ACTN1: variants seen among roughly 807,000 people sequenced by gnomAD.
The protein encoded by ACTN1 is alpha-actinin-1.
A neutral mutation model predicts 119.6 loss-of-function variants in ACTN1; 30 were observed. The ratio of observed to expected loss-of-function variants is 0.25; its 90% CI spans 0.19 to 0.34. The LOEUF (loss-of-function observed/expected upper bound fraction) is 0.34, where lower values mean the gene tolerates loss of function less well. Among genes scored for constraint, ACTN1 ranks in the 10% least tolerant of loss-of-function variants. The pLI is 1.00. For synonymous variants in ACTN1, 429 were observed against 472.6 expected (o/e 0.91, Z 1.20); for missense variants, 764 against 1,223.4 (o/e 0.62, Z 5.60).
intron 1 of ACTN1, among the ~76,000 whole-genome samples, chr14:68,944,869 C>T (rs1042787974): frequency 4.0e-5 from 6 of 150,392 alleles, no homozygotes; most frequent in South Asian, 2.1e-4. Context: ...GTGTGTGGGG[C>T]GGGTAGCTGT....
At chr14:68,900,324 C>T (rs61985079) in intron 8 of ACTN1, among the ~76,000 whole-genome samples, 21,104 of 152,014 alleles carry the variant, frequency 0.14, 1,632 homozygotes, top group African/African-American at 0.19. Flanking sequence ...ACTGCACACA[C>T]GTGGCACTTG....
intron 1 of ACTN1, among the ~76,000 whole-genome samples, chr14:68,927,448 A>G (rs10142141): frequency 6.6e-6 from 1 of 152,180 alleles, no homozygotes; most frequent in Non-Finnish European, 1.5e-5. Context: ...ACTAAACAGC[A>G]AAAGTCCCTG....
At position 68,890,150 on chromosome 14, in the gene ACTN1, G is replaced by A; in HGVS notation, c.1223C>T (p.Ala408Val). 2 of 1,613,684 alleles carry A rather than the reference G, an allele frequency of 1.2e-6. No homozygotes were observed. Among genetic ancestry groups the A allele is most frequent in the Non-Finnish European group, 1.7e-6 (2 of 1,179,834 alleles). The stretch of plus-strand genomic sequence containing the variant: ...TGGGCTGGCCTCACCGTCAGTCCAG[G>A]CCTCGTGGATGGAGGCCTTCTGCCG... ...KFRQKASIHE[A>V]WTDGKEAMLR... The change falls in exon 11 of 22, where the codon GCC becomes GTC. Residue 408 changes from alanine (A) to valine (V), a missense_variant. Physicochemically the swap from Ala to Val is moderately conservative, Grantham distance 64. This residue lies in a region of ACTN1 where 544 missense variants were observed against 912.0 expected (regional missense o/e 0.60). Coordinates refer to ENST00000394419, the MANE Select transcript of ACTN1 (RefSeq NM_001130004.2).
chr14:68,955,037 G>C (rs564504869), intron 1 of ACTN1, among the ~76,000 whole-genome samples: 10 of 152,234 alleles, frequency 6.6e-5, no homozygotes, highest in African/African-American at 2.4e-4. Context: ...CAGCTCCCCT[G>C]GCAGCCTCCA....
At chr14:68,949,298 A>G (rs2268978) in intron 1 of ACTN1, among the ~76,000 whole-genome samples, 61,652 of 152,078 alleles carry the variant, frequency 0.41, 13,755 homozygotes, top group African/African-American at 0.61. Context: ...CCCCTTCCCC[A>G]AGTCCAAAAC....
At position 68,880,141 on chromosome 14, in the gene ACTN1, G is replaced by C; in HGVS notation, c.2134-33C>G. 6.2e-7 allele frequency: 1 copy of C among 1,607,918 alleles called. No homozygotes were observed. Among genetic ancestry groups the C allele is most frequent in the Non-Finnish European group, 8.5e-7 (1 of 1,176,366 alleles). On this transcript the variant is annotated intron_variant, in intron 17 of 21. Coordinates refer to ENST00000394419, the MANE Select transcript of ACTN1 (RefSeq NM_001130004.2). This position sits in a 1 kb window ranked among gnomAD's most constrained non-coding sequence, Gnocchi z 4.6. The stretch of plus-strand genomic sequence containing the variant: ...ACGGCAAGGGGCCTGTCAGCAAAGG[G>C]GTCCCAGGCCTGGGCTCCTGGCGGC...
At chr14:68,929,274 G>A (rs2035098065) in intron 1 of ACTN1, among the ~76,000 whole-genome samples, 1 of 152,090 alleles carries the variant, frequency 6.6e-6, no homozygotes, top group South Asian at 2.1e-4. Context: ...TGAGGGGGTG[G>A]CACCTGCTCC....
chr14:68,888,186 G>T, intron 11 of ACTN1: 1 of 471,894 alleles, frequency 2.1e-6, no homozygotes, highest in Non-Finnish European at 3.9e-6. Flanking sequence ...CTCACGCCCA[G>T]GATAGATTCT....
In ACTN1 at chr14:68,882,332, C is replaced by T. The variant is rs1468480321; in HGVS notation, c.1953+126G>A. The T allele has an allele frequency of 1.5e-6, 2 of 1,329,070 alleles. No homozygotes were observed. Among genetic ancestry groups the T allele is most frequent in the East Asian group, 4.7e-5 (2 of 42,810 alleles). 82.3% of individuals were successfully genotyped at this position (1,329,070 alleles called of 1,614,324 possible). ...ATAGCCTTCTACAGAACAGCAGACC[C>T]ACGGTGGGCTCCGGGCCTCAGTCCT... On this transcript the variant is annotated intron_variant, in intron 16 of 21. Transcript: ENST00000394419. The surrounding 1 kb of genome is among the most constrained non-coding windows in gnomAD (Gnocchi z 4.5).
chr14:68,903,648 T>C (rs2033486139), intron 7 of ACTN1, among the ~76,000 whole-genome samples: 1 of 152,002 alleles, frequency 6.6e-6, no homozygotes, highest in Non-Finnish European at 1.5e-5. Context: ...ACTGAGCAGT[T>C]GGGGCCAAGG....
intron 1 of ACTN1, among the ~76,000 whole-genome samples, chr14:68,972,302 C>T (rs998281655): frequency 1.4e-4 from 22 of 152,104 alleles, no homozygotes; most frequent in African/African-American, 4.8e-4. Flanking sequence ...ACTCCTCTCA[C>T]TCATCATAAA....
At chr14:68,921,238 C>A in intron 2 of ACTN1, 113 bp from the exon 3 acceptor site, 1 of 1,384,676 alleles carries the variant, frequency 7.2e-7, no homozygotes, top group Non-Finnish European at 9.8e-7. Flanking sequence ...GAAGCATGTG[C>A]ATGTGTGCAC....
At chr14:68,970,363 C>T (rs1225649174) in intron 1 of ACTN1, among the ~76,000 whole-genome samples, 1 of 152,222 alleles carries the variant, frequency 6.6e-6, no homozygotes, top group Non-Finnish European at 1.5e-5. Flanking sequence ...ACCTAAGTCC[C>T]CCACTCCCTC....
chr14:68,876,968 G>A (rs564964904), intron 21 of ACTN1, 114 bp downstream of exon 21: 76 of 1,317,428 alleles, frequency 5.8e-5, no homozygotes, highest in Middle Eastern at 3.8e-4. Context: ...AGAGGCCAAA[G>A]GACCCTGGAA....
rs747727367 is a variant in ACTN1, at chr14:68,904,672, T to A, written c.659A>T (p.Lys220Met). The change falls in exon 7 of 22, where the codon AAG (lysine) becomes ATG (methionine). Residue 220 changes from lysine (K) to methionine (M), a missense_variant. Lys to Met is a moderately conservative substitution (Grantham distance 95, BLOSUM62 -1). Transcript: ENST00000394419. Reference sequence around the variant, plus strand: ...CCTTTCACCTTCGGCATCCAGCATCTTGGGGATGTCCAGGTACTTCTCTGC... The same window carrying A: ...CCTTTCACCTTCGGCATCCAGCATCATGGGGATGTCCAGGTACTTCTCTGC... ...DVAEKYLDIP[K>M]MLDAEDIVGT... is the part of the protein sequence containing the mutation. The A allele has an allele frequency of 1.2e-6, 2 of 1,614,110 alleles. No individual in the cohort carries two copies. Among genetic ancestry groups the A allele is most frequent in the Non-Finnish European group, 1.7e-6 (2 of 1,179,964 alleles).
intron 1 of ACTN1, among the ~76,000 whole-genome samples, chr14:68,930,252 T>C (rs2035162617): frequency 6.6e-6 from 1 of 152,202 alleles, no homozygotes; most frequent in East Asian, 1.9e-4. Context: ...CAGGCATGAC[T>C]GACAGGAAGT....
intron 1 of ACTN1, among the ~76,000 whole-genome samples, chr14:68,962,997 T>G (rs2036588721): frequency 6.6e-6 from 1 of 152,048 alleles, no homozygotes; most frequent in Non-Finnish European, 1.5e-5. Context: ...CTCCCAAATA[T>G]CTTTCACTCC....
intron 8 of ACTN1, among the ~76,000 whole-genome samples, chr14:68,896,692 C>A (rs1352903368): frequency 6.6e-6 from 1 of 152,136 alleles, no homozygotes; most frequent in Non-Finnish European, 1.5e-5. Flanking sequence ...GCTTCAGAAG[C>A]AACTTCAGAA....
intron 1 of ACTN1, among the ~76,000 whole-genome samples, chr14:68,949,245 C>T (rs2268979): frequency 0.1 from 15,938 of 152,222 alleles, 2,003 homozygotes; most frequent in East Asian, 0.65. Context: ...CCAAAGTAAG[C>T]TCGGGGTCCC....
Sources: allele counts gnomAD v4.1 joint callset (sites outside exome capture counted in the v4.1 genomes callset), GRCh38; gene constraint gnomAD v4.1.1; regional missense constraint gnomAD v4.1.1; non-coding constraint Gnocchi (gnomAD v3.1); transcripts MANE v1.5; gene names NCBI Gene and HGNC (gene_info 2026-07-23, HGNC 2026-07-21).